ZNF578: variants seen among roughly 807,000 people sequenced by gnomAD.
ZNF578 encodes Putative chemokine-related protein B42.
ZNF578 carries 8 observed loss-of-function variants against 8.3 expected under a neutral mutation model. The ratio of observed to expected loss-of-function variants is 0.96; its 90% CI spans 0.56 to 1.74. The LOEUF is 1.74. ZNF578 is among the 40% of genes most tolerant of loss of function. ZNF578 has a pLI of 0.00. For synonymous variants in ZNF578, 206 were observed against 232.2 expected, an observed-to-expected ratio of 0.89 and a Z score of 1.03; for missense variants, 726 against 707.5, an observed-to-expected ratio of 1.03 and a Z score of -0.30.
intron 2 of ZNF578, among the ~76,000 whole-genome samples, chr19:52,464,482 A>G (rs759577232): frequency 4.6e-5 from 7 of 152,194 alleles, no homozygotes; most frequent in Middle Eastern, 3.2e-3. Context: ...AAAGGTTTTT[A>G]AAGAATTTTT....
At chr19:52,475,215 C>T in intron 2 of ZNF578, 1 of 224,340 alleles carries the variant, frequency 4.5e-6, no homozygotes, top group Admixed American at 4.1e-5. Context: ...TTGCCATGCT[C>T]ATTACATTCA....
chr19:52,507,833 T>C (rs623253), intron 5 of ZNF578, among the ~76,000 whole-genome samples: 47,962 of 151,412 alleles, frequency 0.32, 7,797 homozygotes, highest in African/African-American at 0.34. Flanking sequence ...CCAAATCACA[T>C]GAGGTCGGGA....
At chr19:52,499,223 ACTTTT>A (rs986831239) in intron 3 of ZNF578, among the ~76,000 whole-genome samples, 116 of 152,338 alleles carry the variant, frequency 7.6e-4, no homozygotes, top group African/African-American at 2.7e-3. Flanking sequence ...ACAGTGTGTG[ACTTTT>A]CTTCTGGGAG....
chr19:52,464,555 A>G (rs2059268662), intron 2 of ZNF578, among the ~76,000 whole-genome samples: 1 of 152,170 alleles, frequency 6.6e-6, no homozygotes, highest in African/African-American at 2.4e-5. Context: ...AAATACTGAA[A>G]AGGAGTCATT....
Position 52,504,777 on chromosome 19 carries a change from T to G in ZNF578, c.186T>G (p.Ala62=), listed in dbSNP as rs1163855613. Residue 62 remains alanine, a synonymous_variant, in exon 5 of 6, where the codon GCT becomes GCG. Transcript: ENST00000421239. ...TGGAGAACTACAGGAACCTGGAGGC[T>G]GTGGGTGAGGAAAATGTCCCTGCAG... is the stretch of plus-strand genomic sequence containing the variant. ...VMLENYRNLE[A]VDISSKRMMK... The G allele has an allele frequency of 2.5e-6, 4 of 1,614,126 alleles. No individual in the cohort carries two copies. Among genetic ancestry groups the G allele is most frequent in the Non-Finnish European group, 3.4e-6 (4 of 1,180,006 alleles).
intron 3 of ZNF578, among the ~76,000 whole-genome samples, chr19:52,499,451 G>A (rs1167562566): frequency 6.6e-6 from 1 of 152,086 alleles, no homozygotes; most frequent in Non-Finnish European, 1.5e-5. Context: ...CATCAAACAG[G>A]CATCCCCACC....
intron 2 of ZNF578, among the ~76,000 whole-genome samples, chr19:52,467,011 T>A (rs2059277330): frequency 6.6e-6 from 1 of 151,294 alleles, no homozygotes; most frequent in African/African-American, 2.4e-5. Flanking sequence ...CTCTCTTGAT[T>A]AATTTTTTTT....
At chr19:52,509,491 T>C (rs2059436882) in intron 5 of ZNF578, among the ~76,000 whole-genome samples, 1 of 152,150 alleles carries the variant, frequency 6.6e-6, no homozygotes, top group South Asian at 2.1e-4. Flanking sequence ...ACTCCACTCG[T>C]TAATGTCAAA....
intron 2 of ZNF578, among the ~76,000 whole-genome samples, chr19:52,488,171 C>G (rs1330231094): frequency 6.6e-6 from 1 of 151,938 alleles, no homozygotes; most frequent in African/African-American, 2.4e-5. Flanking sequence ...AGGCTGGTCT[C>G]TAACTCCCAT....
chr19:52,484,895 A>C (rs1159204519), intron 2 of ZNF578, among the ~76,000 whole-genome samples: 1 of 146,762 alleles, frequency 6.8e-6, no homozygotes, highest in East Asian at 2.2e-4. Context: ...CCCAGGTGAA[A>C]TAAACAGCCA....
intron 5 of ZNF578, among the ~76,000 whole-genome samples, chr19:52,509,489 C>T (rs1040141099): frequency 3.3e-5 from 5 of 152,150 alleles, no homozygotes; most frequent in African/African-American, 9.7e-5. Flanking sequence ...ACACTCCACT[C>T]GTTAATGTCA....
intron 1 of ZNF578, chr19:52,454,337 G>A (rs1050246561): frequency 6.6e-6 from 1 of 152,114 alleles, no homozygotes; most frequent in Non-Finnish European, 1.5e-5. Flanking sequence ...ACATCAACTC[G>A]GTGTCCCATA....
At chr19:52,475,126 A>G (rs1198088718) in intron 2 of ZNF578, 2 of 215,570 alleles carry the variant, frequency 9.3e-6, no homozygotes, top group African/African-American at 4.6e-5. Context: ...AGACTTTACC[A>G]CACTCATTAC....
intron 2 of ZNF578, among the ~76,000 whole-genome samples, chr19:52,463,816 G>A (rs904508133): frequency 2.0e-5 from 3 of 152,114 alleles, no homozygotes; most frequent in African/African-American, 7.2e-5. Flanking sequence ...TCCCACATAT[G>A]CCATTTTCCC....
At chr19:52,494,153 ATG>A (rs2059377364) in intron 3 of ZNF578, among the ~76,000 whole-genome samples, 1 of 150,466 alleles carries the variant, frequency 6.6e-6, no homozygotes, top group African/African-American at 2.4e-5. Flanking sequence ...GAAGGGGAGA[ATG>A]AGAGATGTGT....
Position 52,514,448 on chromosome 19 carries a change from T to A in ZNF578, c.*2294T>A, listed in dbSNP as rs2123009693. ...ACTTAAGTTTGATTGTTGCAGTGTGTACTTGGTAAAGATGTCAGTGACCTT... is the reference window on the plus strand; with the variant it reads ...ACTTAAGTTTGATTGTTGCAGTGTGAACTTGGTAAAGATGTCAGTGACCTT... On this transcript the variant is annotated 3_prime_UTR_variant, in exon 6 of 6. Transcript: ENST00000421239. 6.6e-6 allele frequency among the ~76,000 whole-genome samples: 1 copy of A among 152,364 alleles called. No individual in the cohort carries two copies. The highest frequency in any genetic ancestry group is 2.1e-4 in the South Asian group (1 of 4,832).
intron 3 of ZNF578, among the ~76,000 whole-genome samples, chr19:52,498,026 T>C (rs1316925669): frequency 6.6e-6 from 1 of 152,240 alleles, no homozygotes; most frequent in Non-Finnish European, 1.5e-5. Flanking sequence ...TATTGCTGTG[T>C]GTGCACATGG....
chr19:52,465,514 C>G (rs2059272144), intron 2 of ZNF578, among the ~76,000 whole-genome samples: 2 of 152,210 alleles, frequency 1.3e-5, no homozygotes, highest in African/African-American at 4.8e-5. Context: ...GGCTCCAGTG[C>G]TGCACGCACC....
At chr19:52,508,175 T>C (rs2059431916) in intron 5 of ZNF578, among the ~76,000 whole-genome samples, 1 of 151,630 alleles carries the variant, frequency 6.6e-6, no homozygotes, top group South Asian at 2.1e-4. Context: ...TGAAACCCCA[T>C]TGCTACTAAT....
Sources: allele counts gnomAD v4.1 joint callset (sites outside exome capture counted in the v4.1 genomes callset), GRCh38; gene constraint gnomAD v4.1.1; transcripts MANE v1.5; gene names NCBI Gene and HGNC (gene_info 2026-07-23, HGNC 2026-07-21).